SUCLG2: variants seen among roughly 807,000 people sequenced by gnomAD.
SUCLG2 encodes the protein succinate--CoA ligase [GDP-forming] subunit beta, mitochondrial.
A neutral mutation model predicts 47.9 loss-of-function variants in SUCLG2; 42 were observed. The observed-to-expected ratio is 0.88, with a 90% CI of 0.69 to 1.14. The LOEUF is 1.14. SUCLG2 is among the 50% of genes most tolerant of loss of function. The pLI, the probability that SUCLG2 is intolerant of heterozygous loss-of-function variation, is 0.00. For synonymous variants in SUCLG2, 195 were observed against 197.3 expected, an observed-to-expected ratio of 0.99 and a Z score of 0.10; for missense variants, 571 against 525.9, an observed-to-expected ratio of 1.09 and a Z score of -0.84.
At chr3:67,437,215 A>G (rs565737332) in intron 9 of SUCLG2, among the ~76,000 whole-genome samples, 2 of 152,104 alleles carry the variant, frequency 1.3e-5, no homozygotes, top group Non-Finnish European at 2.9e-5. Context: ...GAATTATTTC[A>G]TTTCTATTCA....
chr3:67,585,933 C>G (rs563755856), intron 2 of SUCLG2, among the ~76,000 whole-genome samples: 2 of 143,346 alleles, frequency 1.4e-5, no homozygotes, highest in Admixed American at 1.4e-4. Flanking sequence ...TGCCACTGCA[C>G]TCCAGCCTGG....
At chr3:67,424,753 C>G (rs2106868444) in intron 9 of SUCLG2, among the ~76,000 whole-genome samples, 1 of 152,242 alleles carries the variant, frequency 6.6e-6, no homozygotes, top group East Asian at 1.9e-4. Context: ...ACTACTGCTG[C>G]TTGATGGAGG....
chr3:67,587,471 A>G (rs1309704690), intron 2 of SUCLG2, among the ~76,000 whole-genome samples: 2 of 152,232 alleles, frequency 1.3e-5, no homozygotes, highest in African/African-American at 2.4e-5. Flanking sequence ...AGCCTGGCTA[A>G]TTCAGTGAAA....
At chr3:67,591,443 T>A (rs1328018244) in intron 2 of SUCLG2, among the ~76,000 whole-genome samples, 1 of 152,194 alleles carries the variant, frequency 6.6e-6, no homozygotes, top group African/African-American at 2.4e-5. Flanking sequence ...GAATTGTATT[T>A]CCCAGAATTT....
At chr3:67,638,339 G>A (rs572668514) in intron 1 of SUCLG2, among the ~76,000 whole-genome samples, 6 of 152,268 alleles carry the variant, frequency 3.9e-5, no homozygotes, top group Middle Eastern at 6.8e-3. Context: ...CCACTGCAAA[G>A]GCCCAAAACC....
chr3:67,497,527 T>C (rs1237302446), intron 8 of SUCLG2, among the ~76,000 whole-genome samples: 3 of 152,200 alleles, frequency 2.0e-5, no homozygotes, highest in African/African-American at 4.8e-5. Flanking sequence ...ACTAGCATAA[T>C]GGATTAAACA....
At chr3:67,393,746 C>A (rs1220931560) in intron 10 of SUCLG2, among the ~76,000 whole-genome samples, 2 of 152,206 alleles carry the variant, frequency 1.3e-5, no homozygotes, top group Non-Finnish European at 2.9e-5. Flanking sequence ...CCCCTGACCC[C>A]TGAGCAGCCT....
chr3:67,629,873 C>T (rs1271220381), intron 1 of SUCLG2, among the ~76,000 whole-genome samples: 1 of 152,270 alleles, frequency 6.6e-6, no homozygotes, highest in South Asian at 2.1e-4. Flanking sequence ...GAACCAGGAA[C>T]CATGACCAAA....
intron 2 of SUCLG2, among the ~76,000 whole-genome samples, chr3:67,550,035 G>A (rs1338910342): frequency 1.3e-5 from 2 of 152,180 alleles, no homozygotes; most frequent in Non-Finnish European, 2.9e-5. Flanking sequence ...CATGGGAGGA[G>A]TGACTCAAAA....
At chr3:67,540,773 C>T (rs1053542483) in intron 2 of SUCLG2, among the ~76,000 whole-genome samples, 2 of 152,154 alleles carry the variant, frequency 1.3e-5, no homozygotes, top group Non-Finnish European at 2.9e-5. Flanking sequence ...CAGCAGGGGT[C>T]GACAGACACC....
intron 2 of SUCLG2, among the ~76,000 whole-genome samples, chr3:67,560,757 C>T (rs896770828): frequency 6.6e-6 from 1 of 152,008 alleles, no homozygotes; most frequent in Non-Finnish European, 1.5e-5. Flanking sequence ...AACTCCTTCA[C>T]ACACAGAACA....
intron 9 of SUCLG2, among the ~76,000 whole-genome samples, chr3:67,406,163 G>T (rs1267816319): frequency 6.6e-6 from 1 of 152,158 alleles, no homozygotes; most frequent in Non-Finnish European, 1.5e-5. Context: ...TAGGCAGCCT[G>T]TTTGCTGTCA....
intron 4 of SUCLG2, among the ~76,000 whole-genome samples, chr3:67,526,311 T>C (rs1275522624): frequency 6.6e-6 from 1 of 152,056 alleles, no homozygotes. Flanking sequence ...GCAAAAAAAA[T>C]CTCATAATGT....
At chr3:67,411,408 TC>T (rs1459572723) in intron 9 of SUCLG2, among the ~76,000 whole-genome samples, 4 of 152,146 alleles carry the variant, frequency 2.6e-5, no homozygotes, top group Non-Finnish European at 5.9e-5. Context: ...AGGCATCTGT[TC>T]AAATAAACCT....
intron 9 of SUCLG2, among the ~76,000 whole-genome samples, chr3:67,436,141 G>A (rs1446060700): frequency 4.6e-5 from 7 of 152,154 alleles, no homozygotes; most frequent in Admixed American, 2.0e-4. Context: ...GTAATTTTAA[G>A]AACCAAAGGC....
chr3:67,399,950 G>A (rs559346483), intron 10 of SUCLG2, among the ~76,000 whole-genome samples: 101 of 152,266 alleles, frequency 6.6e-4, no homozygotes, highest in African/African-American at 2.4e-3. Flanking sequence ...GGAGGCTGAG[G>A]CAGGAGGATC....
chr3:67,612,374 A>AAT (rs5849770), intron 1 of SUCLG2, among the ~76,000 whole-genome samples: 56,744 of 147,744 alleles, frequency 0.38, 11,288 homozygotes, highest in Non-Finnish European at 0.41. Context: ...ACAAAAAAAA[A>AAT]TGTGATACAT....
In SUCLG2 at chr3:67,527,327, C is replaced by CT. The variant is rs372007353; in HGVS notation, c.417+804dup. ...GGACAGGATCTTCTAACCATGGATG[C>CT]TTTTCAGGGCTGACACATGTGATCT... On this transcript the variant is annotated intron_variant, in intron 4 of 10. Coordinates refer to ENST00000307227, the MANE Select transcript of SUCLG2 (RefSeq NM_003848.4). Among the ~76,000 whole-genome samples, 499 of 152,324 alleles carry CT rather than the reference C, an allele frequency of 3.3e-3. 1 individual carries two copies. The highest frequency in any genetic ancestry group is 0.011 in the African/African-American group (477 of 41,564).
intron 2 of SUCLG2, among the ~76,000 whole-genome samples, chr3:67,571,253 C>G (rs983349355): frequency 6.6e-6 from 1 of 152,098 alleles, no homozygotes; most frequent in African/African-American, 2.4e-5. Context: ...ACCTAGTACT[C>G]CACCTCCACC....
Sources: gnomAD v4.1 joint callset for allele counts (sites outside exome capture counted in the v4.1 genomes callset) on GRCh38, gnomAD v4.1.1 for gene constraint, MANE v1.5 for transcripts, NCBI Gene and HGNC (gene_info 2026-07-23, HGNC 2026-07-21) for gene names.